CADM2: variants seen among roughly 807,000 people sequenced by gnomAD.
The protein encoded by CADM2 is immunoglobulin superfamily member 4D.
Under a neutral mutation model 49.8 loss-of-function variants are expected in CADM2, and 12 were observed. That is an observed-to-expected ratio of 0.24 (90% CI 0.15 to 0.39). CADM2 has a LOEUF of 0.39. CADM2 is among the 10% of genes least tolerant of loss of function. The pLI, the probability that CADM2 is intolerant of heterozygous loss-of-function variation, is 1.00. For missense variants in CADM2, 378 were observed against 492.3 expected, an observed-to-expected ratio of 0.77 and a Z score of 2.20; for synonymous variants, 214 against 175.4, an observed-to-expected ratio of 1.22 and a Z score of -1.74.
chr3:85,340,956 C>A (rs2045223609), intron 1 of CADM2, among the ~76,000 whole-genome samples: 1 of 151,588 alleles, frequency 6.6e-6, no homozygotes, highest in Admixed American at 6.6e-5. Context: ...TAGTTAAAAG[C>A]ATAAAGGTTA....
intron 3 of CADM2, among the ~76,000 whole-genome samples, chr3:85,821,267 C>T (rs999517698): frequency 2.3e-4 from 35 of 152,186 alleles, no homozygotes; most frequent in Middle Eastern, 3.4e-3. Context: ...TTAGCAAGAA[C>T]AGGGAGGGCA....
chr3:86,016,450 G>A (rs1732245661), intron 8 of CADM2, among the ~76,000 whole-genome samples: 1 of 152,018 alleles, frequency 6.6e-6, no homozygotes. Flanking sequence ...TTGAGTTAAA[G>A]GTTAATGACA....
chr3:85,275,986 G>T (rs1357067024), intron 1 of CADM2, among the ~76,000 whole-genome samples: 1 of 151,080 alleles, frequency 6.6e-6, no homozygotes, highest in Admixed American at 6.6e-5. Flanking sequence ...GTCAAGCAGT[G>T]ACCTATGTAC....
At chr3:85,752,631 A>C (rs953358839) in intron 2 of CADM2, among the ~76,000 whole-genome samples, 1 of 152,108 alleles carries the variant, frequency 6.6e-6, no homozygotes. Context: ...CTGAAAACAA[A>C]AATAGCCATT....
rs1464683497 is a variant in CADM2, at chr3:85,531,795, G to T, written c.62-194727G>T. ...AAGTATATGAAATCAAACAAAATTG[G>T]CTTTCTTCATAAATCCATCCTCTAA... On this transcript the variant is annotated intron_variant, in intron 1 of 9. Coordinates refer to ENST00000383699, the MANE Select transcript of CADM2 (RefSeq NM_001167675.2). 2.6e-5 allele frequency among the ~76,000 whole-genome samples: 4 copies of T among 152,144 alleles called. No homozygotes were observed. The East Asian group carries it at 5.8e-4, about 22-fold the overall frequency.
chr3:85,534,236 A>T (rs375773537), intron 1 of CADM2, among the ~76,000 whole-genome samples: 43 of 152,228 alleles, frequency 2.8e-4, no homozygotes, highest in African/African-American at 9.6e-4. Flanking sequence ...CTTGCCATTT[A>T]CTTATTGCTG....
chr3:85,233,478 G>C (rs1170382285), intron 1 of CADM2, among the ~76,000 whole-genome samples: 2 of 152,034 alleles, frequency 1.3e-5, no homozygotes, highest in Non-Finnish European at 2.9e-5. Context: ...TGTGAGGGGA[G>C]GTGGATTATA....
chr3:85,131,613 C>T (rs1559680042), intron 1 of CADM2, among the ~76,000 whole-genome samples: 1 of 152,122 alleles, frequency 6.6e-6, no homozygotes, highest in Non-Finnish European at 1.5e-5. Context: ...AGTCATCTTA[C>T]AAAGATTACC....
chr3:85,097,846 C>T (rs1404133582), intron 1 of CADM2, among the ~76,000 whole-genome samples: 1 of 152,168 alleles, frequency 6.6e-6, no homozygotes, highest in Non-Finnish European at 1.5e-5. Flanking sequence ...TTATCATTCA[C>T]ATAAGCCCCT....
chr3:85,594,703 T>A (rs2063195999), intron 1 of CADM2, among the ~76,000 whole-genome samples: 1 of 151,976 alleles, frequency 6.6e-6, no homozygotes, highest in African/African-American at 2.4e-5. Flanking sequence ...TACCATTCTG[T>A]TTTTACTTAT....
At chr3:86,020,640 T>G (rs1038847019) in intron 8 of CADM2, among the ~76,000 whole-genome samples, 12 of 152,022 alleles carry the variant, frequency 7.9e-5, no homozygotes, top group African/African-American at 2.9e-4. Flanking sequence ...TTATCCACCA[T>G]TATCAAGTGG....
At chr3:85,432,036 C>T (rs998907088) in intron 1 of CADM2, among the ~76,000 whole-genome samples, 1 of 147,856 alleles carries the variant, frequency 6.8e-6, no homozygotes, top group Non-Finnish European at 1.5e-5. Flanking sequence ...AAAACAGTGC[C>T]TAAAAGTGGC....
At position 85,079,507 on chromosome 3, in the gene CADM2, T is replaced by C. The variant is rs557399477; in HGVS notation, c.61+119839T>C. Among the ~76,000 whole-genome samples the C allele has an allele frequency of 2.6e-5, 4 of 151,988 alleles. No homozygotes were observed. The East Asian group carries it at 7.7e-4, about 29-fold the overall frequency. ...GGTTATTAACAAGAAATACTTTAAATATTGATGTTCACAATGAGAAATAAA... is the reference window on the plus strand; with the variant it reads ...GGTTATTAACAAGAAATACTTTAAACATTGATGTTCACAATGAGAAATAAA... On this transcript the variant is annotated intron_variant, in intron 1 of 9. Transcript: ENST00000383699.
intron 1 of CADM2, among the ~76,000 whole-genome samples, chr3:85,468,526 C>T (rs1392262095): frequency 2.6e-5 from 4 of 152,084 alleles, no homozygotes. Flanking sequence ...ATATAGTTCA[C>T]ATTTATTTCA....
chr3:85,431,096 C>T (rs1440436249), intron 1 of CADM2, among the ~76,000 whole-genome samples: 1 of 152,054 alleles, frequency 6.6e-6, no homozygotes, highest in Non-Finnish European at 1.5e-5. Context: ...TGTTTAGATA[C>T]ACAAATTCTT....
intron 1 of CADM2, among the ~76,000 whole-genome samples, chr3:85,585,219 C>T (rs2062907215): frequency 6.6e-6 from 1 of 151,872 alleles, no homozygotes; most frequent in Non-Finnish European, 1.5e-5. Context: ...GTTATCAGAT[C>T]AACTGTGGCA....
intron 1 of CADM2, among the ~76,000 whole-genome samples, chr3:85,252,617 T>C (rs577439786): frequency 5.3e-5 from 8 of 152,178 alleles, no homozygotes; most frequent in African/African-American, 1.9e-4. Flanking sequence ...TCAATCCTTA[T>C]TTGCACTGAG....
chr3:85,062,186 T>C (rs2036355698), intron 1 of CADM2, among the ~76,000 whole-genome samples: 1 of 152,002 alleles, frequency 6.6e-6, no homozygotes, highest in African/African-American at 2.4e-5. Flanking sequence ...TTTGCTATAG[T>C]AATAAATTTC....
chr3:85,337,299 A>G (rs1186411665), intron 1 of CADM2, among the ~76,000 whole-genome samples: 1 of 151,080 alleles, frequency 6.6e-6, no homozygotes, highest in Non-Finnish European at 1.5e-5. Context: ...TAATTTAAAT[A>G]GAATTTTAAT....
Sources: allele counts gnomAD v4.1 joint callset (sites outside exome capture counted in the v4.1 genomes callset), GRCh38; gene constraint gnomAD v4.1.1; transcripts MANE v1.5; gene names NCBI Gene and HGNC (gene_info 2026-07-23, HGNC 2026-07-21).